Variants in SHC4 observed in about 807,000 individuals in gnomAD.
SHC4 encodes SHC-transforming protein 4.
A neutral mutation model predicts 69.4 loss-of-function variants in SHC4; 41 were observed. The observed-to-expected ratio is 0.59, with a 90% CI of 0.46 to 0.77. The LOEUF (loss-of-function observed/expected upper bound fraction) is 0.77. Ranked by LOEUF, SHC4 falls within the 30% of genes least tolerant of loss-of-function variation. The pLI is 0.00. For synonymous variants in SHC4, 318 were observed against 299.3 expected (o/e 1.06, Z -0.64); for missense variants, 777 against 783.8 (o/e 0.99, Z 0.10).
intron 11 of SHC4, 60 bp downstream of exon 11, chr15:48,834,709 T>C (rs1050852952): frequency 3.8e-6 from 6 of 1,586,226 alleles, no homozygotes; most frequent in Non-Finnish European, 5.1e-6. Flanking sequence ...TTGGAAATCA[T>C]TCAGGGTATG....
chr15:48,962,965 TCCTACATACAGC>T lies in SHC4; in HGVS notation c.39_50del (p.Tyr15_Leu18del), dbSNP rs1407117500. The T allele has an allele frequency of 6.2e-7, 1 of 1,612,562 alleles. No homozygotes were observed. Among genetic ancestry groups the T allele is most frequent in the Admixed American group, 1.7e-5 (1 of 59,990 alleles). On this transcript the variant is annotated inframe_deletion, in exon 1 of 12. Transcript: ENST00000332408. ...GCAGCATCCCGGGGTGCCCGAAGAG[TCCTACATACAGC>T]ACGAGTCCTGCCAGGCTGTCCTGGC...
At chr15:48,833,047 T>C (rs1378966490) in intron 11 of SHC4, among the ~76,000 whole-genome samples, 3 of 152,208 alleles carry the variant, frequency 2.0e-5, no homozygotes, top group African/African-American at 7.2e-5. Flanking sequence ...TGTTTCTAGA[T>C]ATTTATTTTG....
intron 6 of SHC4, among the ~76,000 whole-genome samples, chr15:48,865,997 C>G (rs1046075224): frequency 1.3e-5 from 2 of 152,202 alleles, no homozygotes; most frequent in African/African-American, 4.8e-5. Flanking sequence ...GAACTCTTCA[C>G]CATCATTTAC....
chr15:48,874,142 G>A (rs1899748432), intron 4 of SHC4, among the ~76,000 whole-genome samples: 1 of 152,082 alleles, frequency 6.6e-6, no homozygotes, highest in African/African-American at 2.4e-5. Context: ...AAGAATAAAT[G>A]CACAAGAAGA....
At chr15:48,897,935 T>C (rs1257216947) in intron 2 of SHC4, among the ~76,000 whole-genome samples, 1 of 152,246 alleles carries the variant, frequency 6.6e-6, no homozygotes, top group East Asian at 1.9e-4. Context: ...TTCCCAAAGG[T>C]CTTTCTTTCA....
At chr15:48,844,733 C>G in intron 9 of SHC4, among the ~76,000 whole-genome samples, 1 of 152,158 alleles carries the variant, frequency 6.6e-6, no homozygotes, top group East Asian at 1.9e-4. Flanking sequence ...GCAGTTTTCC[C>G]TATACTGTTC....
rs1450932292 is a variant in SHC4, at chr15:48,963,060, C to T, written c.-45G>A. On this transcript the variant is annotated 5_prime_UTR_variant, in exon 1 of 12. Transcript: ENST00000332408. ...CAGGATACTGTTGCATAAATCGCCT[C>T]GTCGTCTGGTAGATAAACGGTGCAG... 1 of 1,542,242 alleles carries T rather than the reference C, an allele frequency of 6.5e-7. No homozygotes were observed. The highest frequency in any genetic ancestry group is 1.4e-5 in the African/African-American group (1 of 73,226).
chr15:48,919,836 G>A (rs1424534585), intron 2 of SHC4, among the ~76,000 whole-genome samples: 1 of 151,936 alleles, frequency 6.6e-6, no homozygotes, highest in Non-Finnish European at 1.5e-5. Context: ...AGCCATGCCT[G>A]AATCATGTAT....
chr15:48,853,843 T>C lies in SHC4; in HGVS notation c.1242+2110A>G, dbSNP rs138559833. ...CACCATATACAAGATAGATTAAATA[T>C]ATAAACGTTAAGACCTCAAATTGTA... On this transcript the variant is annotated intron_variant, in intron 8 of 11. Transcript: ENST00000332408. Among the ~76,000 whole-genome samples the C allele has an allele frequency of 3.6e-3, 554 of 152,084 alleles. 2 individuals carry two copies. Among genetic ancestry groups the C allele is most frequent in the African/African-American group, 0.013 (530 of 41,526 alleles).
At chr15:48,884,430 A>C in intron 3 of SHC4, 63 bp from the exon 4 acceptor site, 1 of 1,418,748 alleles carries the variant, frequency 7.0e-7, no homozygotes, top group Non-Finnish European at 9.4e-7. Context: ...ATAAATGTTA[A>C]TGTTTTTTAA....
chr15:48,843,657 A>G (rs1268135718), intron 9 of SHC4, 69 bp from the exon 10 acceptor site: 1 of 1,433,022 alleles, frequency 7.0e-7, no homozygotes, highest in East Asian at 2.4e-5. Context: ...ATCATGTTTG[A>G]GTCTAGAATT....
At chr15:48,829,913 C>T (rs147246906) in intron 11 of SHC4, among the ~76,000 whole-genome samples, 409 of 151,992 alleles carry the variant, frequency 2.7e-3, no homozygotes, top group Non-Finnish European at 4.5e-3. Context: ...AGCGAGACTC[C>T]GTCTCAAAAA....
chr15:48,869,263 G>A (rs1899620536), intron 5 of SHC4, among the ~76,000 whole-genome samples: 1 of 152,154 alleles, frequency 6.6e-6, no homozygotes, highest in African/African-American at 2.4e-5. Flanking sequence ...CAGGGCTGAC[G>A]GATGGAAAAC....
In SHC4 at chr15:48,853,060, T is replaced by C. The variant is rs111742553; in HGVS notation, c.1243-1812A>G. ...GGAATAAGCATTTTTCTTCACTGGC[T>C]GTAATAATTCTATACCTAGAAAACA... On this transcript the variant is annotated intron_variant, in intron 8 of 11. Transcript: ENST00000332408. Among the ~76,000 whole-genome samples, 848 of 152,094 alleles carry C rather than the reference T, an allele frequency of 5.6e-3. 11 individuals are homozygous for C. Among genetic ancestry groups the C allele is most frequent in the African/African-American group, 0.02 (815 of 41,552 alleles).
intron 6 of SHC4, among the ~76,000 whole-genome samples, chr15:48,862,521 A>G (rs142453246): frequency 6.6e-6 from 1 of 152,206 alleles, no homozygotes; most frequent in Non-Finnish European, 1.5e-5. Context: ...ATTTAAATGC[A>G]CTAATGCTAA....
chr15:48,824,086 A>G lies in SHC4; in HGVS notation c.*1885T>C, dbSNP rs1368547785. The G allele has an allele frequency of 2.0e-5, 3 of 152,200 alleles. No individual in the cohort carries two copies. The highest frequency in any genetic ancestry group is 4.4e-5 in the Non-Finnish European group (3 of 68,040). 9.4% of individuals were successfully genotyped at this position (152,200 alleles called of 1,614,324 possible). A position where few individuals can be genotyped will look rare whatever the true frequency, so the allele number is the denominator to read the frequency against. ...TCTGATAAAAGTGGTTAGACTACCCATACATTTCTACTGTCTATACTCATG... is the reference window on the plus strand; with the variant it reads ...TCTGATAAAAGTGGTTAGACTACCCGTACATTTCTACTGTCTATACTCATG... On this transcript the variant is annotated 3_prime_UTR_variant, in exon 12 of 12. Coordinates refer to ENST00000332408, the MANE Select transcript of SHC4 (RefSeq NM_203349.4).
intron 4 of SHC4, among the ~76,000 whole-genome samples, chr15:48,875,911 A>G (rs1239212605): frequency 2.0e-5 from 3 of 152,174 alleles, no homozygotes; most frequent in Non-Finnish European, 4.4e-5. Context: ...ATTATCAACC[A>G]TATTATACAT....
At chr15:48,851,853 A>G (rs568261721) in intron 8 of SHC4, among the ~76,000 whole-genome samples, 125 of 152,164 alleles carry the variant, frequency 8.2e-4, no homozygotes, top group Admixed American at 2.1e-3. Context: ...GGAGTCAGGA[A>G]ATGGTCTTTC....
At position 48,855,937 on chromosome 15, in the gene SHC4, A is replaced by G; in HGVS notation, c.1242+16T>C. The G allele has an allele frequency of 6.3e-7, 1 of 1,598,716 alleles. No homozygotes were observed. Among genetic ancestry groups the G allele is most frequent in the Non-Finnish European group, 8.5e-7 (1 of 1,171,634 alleles). On this transcript the variant is annotated intron_variant, in intron 8 of 11. Transcript: ENST00000332408. ...AATTGCATTGCTGGTTCCAACAACA[A>G]TAAAACATTACATACCAAATAGCAC...
Sources: allele counts gnomAD v4.1 joint callset (sites outside exome capture counted in the v4.1 genomes callset), GRCh38; gene constraint gnomAD v4.1.1; transcripts MANE v1.5; gene names NCBI Gene and HGNC (gene_info 2026-07-23, HGNC 2026-07-21).